The following CEP164 variants were observed in gnomAD, a reference collection of about 807,000 sequenced individuals.
CEP164 encodes the protein centrosomal protein of 164 kDa.
CEP164 carries 162 observed loss-of-function variants against 182.7 expected under a neutral mutation model. That is an observed-to-expected ratio of 0.89 (90% CI 0.78 to 1.01). CEP164 has a LOEUF of 1.01. Among genes scored for constraint, CEP164 ranks in the 50% least tolerant of loss-of-function variants. CEP164 has a pLI of 0.00. For synonymous variants in CEP164, 661 were observed against 690.0 expected (o/e 0.96, Z 0.66); for missense variants, 1,735 against 1,790.4 (o/e 0.97, Z 0.56).
intron 11 of CEP164, among the ~76,000 whole-genome samples, 176 bp downstream of exon 11, chr11:117,375,967 A>G (rs1370702690): frequency 3.9e-5 from 6 of 152,096 alleles, no homozygotes; most frequent in African/African-American, 1.2e-4. Flanking sequence ...CCATTCCTGC[A>G]TTGTTGCTAT....
At position 117,363,379 on chromosome 11, in the gene CEP164, G is replaced by T. The variant is rs774961179; in HGVS notation, c.688-50G>T. 6 of 1,401,448 alleles carry T rather than the reference G, an allele frequency of 4.3e-6. No homozygotes were observed. In the Admixed American group the frequency reaches 1.0e-4, roughly 24 times the overall value. 86.8% of individuals were successfully genotyped at this position (1,401,448 alleles called of 1,614,324 possible). A position where few individuals can be genotyped will look rare whatever the true frequency, so the allele number is the denominator to read the frequency against. On this transcript the variant is annotated intron_variant, in intron 7 of 32. Coordinates refer to ENST00000278935, the MANE Select transcript of CEP164 (RefSeq NM_014956.5). The stretch of plus-strand genomic sequence containing the variant: ...TTCCCTCTGCACACCCCTCACCCTG[G>T]GTTGACCAGTTTCTTCAGAGTTACC...
chr11:117,321,931 C>T (rs940970709), intron 1 of CEP164, among the ~76,000 whole-genome samples: 21 of 152,006 alleles, frequency 1.4e-4, no homozygotes, highest in African/African-American at 4.8e-4. Flanking sequence ...CTCCAGGCCT[C>T]AAAGGATCTT....
rs961589233 is a variant in CEP164 at position 117,394,242 on chromosome 11, GGT to G, written c.2617-105_2617-104del. 201 of 1,414,800 alleles carry G rather than the reference GGT, an allele frequency of 1.4e-4. 1 individual carries two copies. The African/African-American group carries it at 2.5e-3, about 18-fold the overall frequency. 87.6% of individuals were successfully genotyped at this position (1,414,800 alleles called of 1,614,324 possible). On this transcript the variant is annotated intron_variant, in intron 20 of 32. Coordinates refer to ENST00000278935, the MANE Select transcript of CEP164 (RefSeq NM_014956.5). The surrounding 1 kb of genome is among the most constrained non-coding windows in gnomAD (Gnocchi z 4.0). ...CAAGAGCTGGCTTTAGGGAGCCGAT[GGT>G]GTCCCTGATCTTACTGATGCAAGGC...
intron 27 of CEP164, among the ~76,000 whole-genome samples, chr11:117,397,835 A>G (rs990340378): frequency 9.2e-5 from 14 of 152,148 alleles, no homozygotes; most frequent in Non-Finnish European, 1.8e-4. Context: ...ACAATTCAAG[A>G]TGAGATTTTG....
Position 117,411,449 on chromosome 11 carries a change from C to T in CEP164, c.4164-346C>T, listed in dbSNP as rs2047349080. ...TTAGGCAGCTAACAGTGAGTACCCC[C>T]CACTAACCCTTTGGCCAACTTGAGA... On this transcript the variant is annotated intron_variant, in intron 31 of 32. Coordinates refer to ENST00000278935, the MANE Select transcript of CEP164 (RefSeq NM_014956.5). This position sits in a 1 kb window ranked among gnomAD's most constrained non-coding sequence, Gnocchi z 4.4. 3.2e-6 allele frequency: 1 copy of T among 314,328 alleles called. No homozygotes were observed. The highest frequency in any genetic ancestry group is 4.6e-5 in the Admixed American group (1 of 21,720). 19.5% of individuals were successfully genotyped at this position (314,328 alleles called of 1,614,324 possible).
At chr11:117,410,602 G>T (rs151085106) in intron 30 of CEP164, 216 of 463,540 alleles carry the variant, frequency 4.7e-4, no homozygotes, top group African/African-American at 4.1e-3. Context: ...ATAAAACAAG[G>T]CATTTGAGGG....
At chr11:117,387,915 A>T (rs1243092601) in intron 15 of CEP164, among the ~76,000 whole-genome samples, 1 of 152,244 alleles carries the variant, frequency 6.6e-6, no homozygotes, top group Non-Finnish European at 1.5e-5. Context: ...ACATACAAGT[A>T]CTGGGAAGGT....
At chr11:117,322,373 C>T (rs1349971622) in intron 1 of CEP164, among the ~76,000 whole-genome samples, 1 of 152,166 alleles carries the variant, frequency 6.6e-6, no homozygotes, top group Non-Finnish European at 1.5e-5. Flanking sequence ...CCTCGACCTC[C>T]CAAATGCTGG....
chr11:117,344,395 A>G (rs1450806749), intron 4 of CEP164, 118 bp downstream of exon 4: 4 of 650,152 alleles, frequency 6.2e-6, no homozygotes, highest in Non-Finnish European at 1.1e-5. Flanking sequence ...AGTCAGGGAC[A>G]GTACTGTGCC....
chr11:117,330,034 T>C (rs539942485), intron 1 of CEP164, among the ~76,000 whole-genome samples: 3 of 152,080 alleles, frequency 2.0e-5, no homozygotes, highest in Non-Finnish European at 2.9e-5. Flanking sequence ...ACCCACCTTA[T>C]GATTTTCTTC....
chr11:117,408,191 C>A (rs1008883228), intron 28 of CEP164, among the ~76,000 whole-genome samples, 159 bp downstream of exon 28: 1 of 152,196 alleles, frequency 6.6e-6, no homozygotes, highest in African/African-American at 2.4e-5. Flanking sequence ...GTGGCAGTGG[C>A]TTCAATTCTG....
intron 4 of CEP164, among the ~76,000 whole-genome samples, chr11:117,347,166 T>C (rs2039010946): frequency 6.6e-6 from 1 of 152,202 alleles, no homozygotes; most frequent in South Asian, 2.1e-4. Flanking sequence ...TTGATTTATT[T>C]GACTAGTCTT....
upstream of CEP164, among the ~76,000 whole-genome samples, chr11:117,322,910 C>T (rs1165049311): frequency 7.2e-5 from 11 of 152,072 alleles, no homozygotes; most frequent in East Asian, 1.7e-3. Flanking sequence ...GGACTACAGG[C>T]TCACGCCACC....
rs2043508189 is a variant in CEP164, at chr11:117,382,934, T to A, written c.1716T>A (p.Ser572=). The change falls in exon 14 of 33, where the codon TCT becomes TCA. Residue 572 remains serine (S), a synonymous_variant. Transcript: ENST00000278935. ...KVAVSPTPPV[S]PEVRSTEPVA... ...CGGTCAGCCCCACCCCGCCAGTCTC[T>A]CCAGAGGTGTAAGGGCCAGTTTTGT... 1.9e-6 allele frequency: 3 copies of A among 1,613,090 alleles called. No homozygotes were observed. Among genetic ancestry groups the A allele is most frequent in the Non-Finnish European group, 1.7e-6 (2 of 1,179,886 alleles).
At chr11:117,402,395 A>G (rs1332806408) in intron 27 of CEP164, among the ~76,000 whole-genome samples, 3 of 151,542 alleles carry the variant, frequency 2.0e-5, no homozygotes, top group Non-Finnish European at 4.4e-5. Flanking sequence ...TAATTTTTGT[A>G]TTTTTAGTAG....
chr11:117,382,621 C>T (rs1273902218), intron 13 of CEP164, 175 bp from the exon 14 acceptor site: 1 of 686,230 alleles, frequency 1.5e-6, no homozygotes, highest in Non-Finnish European at 2.5e-6. Context: ...GTCTTTGATG[C>T]AAATAATTCA....
At chr11:117,363,593 A>T in intron 8 of CEP164, 87 bp downstream of exon 8, 1 of 940,220 alleles carries the variant, frequency 1.1e-6, no homozygotes, top group Middle Eastern at 2.2e-4. Flanking sequence ...GTTGTAATGC[A>T]TATTTGGAAA....
At chr11:117,359,697 A>G (rs2040715207) in intron 5 of CEP164, 4 of 649,616 alleles carry the variant, frequency 6.2e-6, no homozygotes, top group African/African-American at 2.0e-5. Flanking sequence ...TGAATTTTGA[A>G]GGGGTCTTTG....
In CEP164 at chr11:117,373,946, C is replaced by CA. The variant is rs1220618588; in HGVS notation, c.1233+116dup. The CA allele has an allele frequency of 2.5e-5, 20 of 794,284 alleles. No individual in the cohort carries two copies. In the East Asian group the frequency reaches 4.8e-4, roughly 19 times the overall value. The allele number at this position is 794,284 out of a possible 1,614,324, so 49.2% of individuals were successfully genotyped here. ...CTTATAAGTGGGAGAATTTCGAACT[C>CA]ATGCTTGAGTCTTGTCTAGCTCCAG... On this transcript the variant is annotated intron_variant, in intron 10 of 32. Coordinates refer to ENST00000278935, the MANE Select transcript of CEP164 (RefSeq NM_014956.5).
Sources: allele counts gnomAD v4.1 joint callset (sites outside exome capture counted in the v4.1 genomes callset), GRCh38; gene constraint gnomAD v4.1.1; non-coding constraint Gnocchi (gnomAD v3.1); transcripts MANE v1.5; gene names NCBI Gene and HGNC (gene_info 2026-07-23, HGNC 2026-07-21).